NCOA2: variants seen among roughly 807,000 people sequenced by gnomAD.
NCOA2 encodes class E basic helix-loop-helix protein 75.
A neutral mutation model predicts 145.1 loss-of-function variants in NCOA2; 21 were observed. The observed-to-expected ratio is 0.14, with a 90% CI of 0.10 to 0.21. The LOEUF is 0.21. Ranked by LOEUF, NCOA2 falls within the 10% of genes least tolerant of loss-of-function variation. The pLI, the probability that NCOA2 is intolerant of heterozygous loss-of-function variation, is 1.00. For missense variants in NCOA2, 1,472 were observed against 1,837.6 expected (o/e 0.80, Z 3.64); for synonymous variants, 619 against 637.5 (o/e 0.97, Z 0.44).
the NCOA2 span, among the ~76,000 whole-genome samples, chr8:70,417,974 TG>T: frequency 2.0e-5 from 3 of 152,134 alleles, no homozygotes; most frequent in Non-Finnish European, 2.9e-5. Context: ...ATGGAGCCAT[TG>T]TTATGTTTGT....
intron 22 of NCOA2, among the ~76,000 whole-genome samples, chr8:70,120,029 C>T (rs922725781): frequency 2.6e-5 from 4 of 152,144 alleles, no homozygotes; most frequent in African/African-American, 9.7e-5. Context: ...GCCACCACAC[C>T]TGGCTAATTT....
chr8:70,145,986 T>A (rs1051499601), intron 12 of NCOA2, among the ~76,000 whole-genome samples: 11 of 152,264 alleles, frequency 7.2e-5, no homozygotes, highest in African/African-American at 2.7e-4. Flanking sequence ...AGTGTTTTTT[T>A]CACGTTATAA....
Position 70,216,643 on chromosome 8 carries a change from C to T in NCOA2, c.86+17G>A. On this transcript the variant is annotated intron_variant, in intron 3 of 22. Transcript: ENST00000452400. ...TTAACAGACAATACTGATTCCTTTT[C>T]TCAGCAAGAATCTAACCTGGGTCCA... 1 of 1,591,558 alleles carries T rather than the reference C, an allele frequency of 6.3e-7. No individual in the cohort carries two copies. The highest frequency in any genetic ancestry group is 8.6e-7 in the Non-Finnish European group (1 of 1,159,548).
At chr8:70,411,660 A>G in the NCOA2 span, among the ~76,000 whole-genome samples, 1 of 152,256 alleles carries the variant, frequency 6.6e-6, no homozygotes, top group Non-Finnish European at 1.5e-5. Context: ...GAAAATGAAC[A>G]AACTATAGCT....
At chr8:70,288,318 C>T (rs1826393872) in intron 2 of NCOA2, among the ~76,000 whole-genome samples, 1 of 151,990 alleles carries the variant, frequency 6.6e-6, no homozygotes, top group Non-Finnish European at 1.5e-5. Flanking sequence ...GTGGCTCATG[C>T]CTGTAATCTC....
chr8:70,424,962 C>A, the NCOA2 span, among the ~76,000 whole-genome samples: 1 of 152,166 alleles, frequency 6.6e-6, no homozygotes, highest in South Asian at 2.1e-4. Flanking sequence ...AATGTCCAGG[C>A]TGCTGAAGTG....
chr8:70,155,902 T>C (rs1812227569), intron 11 of NCOA2, 69 bp downstream of exon 11: 2 of 1,250,772 alleles, frequency 1.6e-6, no homozygotes, highest in South Asian at 3.2e-5. Context: ...GACTTCAAAA[T>C]GCCCCTATGG....
At position 70,109,906 on chromosome 8, in the gene NCOA2, T is replaced by C. The variant is rs1806396127; in HGVS notation, c.*3726A>G. On this transcript the variant is annotated 3_prime_UTR_variant, in exon 23 of 23. Transcript: ENST00000452400. ...GCAAAGCAATATTAACTTGCATAAA[T>C]GTATTTAAAATTTCTCTGAATATAT... The C allele has an allele frequency of 5.4e-6, 1 of 184,418 alleles. No homozygotes were observed. The highest frequency in any genetic ancestry group is 2.3e-5 in the African/African-American group (1 of 42,634). 11.4% of individuals were successfully genotyped at this position (184,418 alleles called of 1,614,324 possible).
chr8:70,126,359 A>G (rs1223443309), intron 19 of NCOA2, among the ~76,000 whole-genome samples: 1 of 152,212 alleles, frequency 6.6e-6, no homozygotes, highest in African/African-American at 2.4e-5. Flanking sequence ...TATAATCTGT[A>G]AAGTATTTTT....
At chr8:70,311,534 G>A (rs577658357) in intron 1 of NCOA2, among the ~76,000 whole-genome samples, 2 of 152,302 alleles carry the variant, frequency 1.3e-5, no homozygotes, top group South Asian at 4.1e-4. Context: ...TACTGCACAA[G>A]AACATCATCA....
intron 2 of NCOA2, among the ~76,000 whole-genome samples, chr8:70,234,291 T>G (rs1821405654): frequency 6.6e-6 from 1 of 152,252 alleles, no homozygotes; most frequent in Non-Finnish European, 1.5e-5. Flanking sequence ...TTCTACTTTT[T>G]GGCTATTATG....
Position 70,113,407 on chromosome 8 carries a change from TG to T in NCOA2, c.*224del. 1 of 593,826 alleles carries T rather than the reference TG, an allele frequency of 1.7e-6. No homozygotes were observed. Among genetic ancestry groups the T allele is most frequent in the Non-Finnish European group, 3.0e-6 (1 of 332,068 alleles). The allele number at this position is 593,826 out of a possible 1,614,324, so 36.8% of individuals were successfully genotyped here. On this transcript the variant is annotated 3_prime_UTR_variant, in exon 23 of 23. Transcript: ENST00000452400. ...ACTAAGGTGAATGCAGTGAACAGAC[TG>T]AGCGACTGTCTGGATGCGAGCTTCA...
chr8:70,351,675 T>A (rs1258778411), intron 1 of NCOA2, among the ~76,000 whole-genome samples: 2 of 148,330 alleles, frequency 1.3e-5, no homozygotes, highest in South Asian at 4.4e-4. Context: ...AAGCTCAAAC[T>A]CCTAGGCTCC....
chr8:70,158,292 A>C (rs2957094), intron 10 of NCOA2, among the ~76,000 whole-genome samples: 1 of 152,048 alleles, frequency 6.6e-6, no homozygotes, highest in Non-Finnish European at 1.5e-5. Context: ...GGACCTCATA[A>C]AGTTTTCCAC....
intron 2 of NCOA2, among the ~76,000 whole-genome samples, chr8:70,253,105 T>C (rs1823341311): frequency 6.6e-6 from 1 of 152,230 alleles, no homozygotes; most frequent in Non-Finnish European, 1.5e-5. Flanking sequence ...GTGAAGATTA[T>C]TTATCCTTGT....
At position 70,363,458 on chromosome 8, in the gene NCOA2, G is replaced by C. The variant is rs535932301; in HGVS notation, c.-77+40242C>G. On this transcript the variant is annotated intron_variant, in intron 1 of 22. Coordinates refer to ENST00000452400, the MANE Select transcript of NCOA2 (RefSeq NM_006540.4). ...CCCACTCCTAGATATTTACCTATGT[G>C]AAATAAAAATTTATGTTCCTAAATT... Among the ~76,000 whole-genome samples the C allele has an allele frequency of 3.7e-4, 56 of 151,622 alleles. 1 individual carries two copies. In the South Asian group the frequency reaches 6.2e-3, roughly 17 times the overall value.
chr8:70,157,028 C>T lies in NCOA2; in HGVS notation c.1337G>A (p.Gly446Glu), dbSNP rs1812373421. ...MPMGRFGGSG[G>E]MNHVSGMQAT... ...TTGCATGCCTGACACATGGTTCATTCCCCCAGAACCACCAAACCTGCCCAT... is the reference window on the plus strand; with the variant it reads ...TTGCATGCCTGACACATGGTTCATTTCCCCAGAACCACCAAACCTGCCCAT... Residue 446 changes from glycine to glutamate, a missense_variant, in exon 11 of 23, where the codon GGA becomes GAA. By Grantham distance (98) the Gly-to-Glu change is moderately conservative (BLOSUM62 -2). Coordinates refer to ENST00000452400, the MANE Select transcript of NCOA2 (RefSeq NM_006540.4). 6.2e-7 allele frequency: 1 copy of T among 1,613,978 alleles called. No homozygotes were observed. Among genetic ancestry groups the T allele is most frequent in the Non-Finnish European group, 8.5e-7 (1 of 1,179,880 alleles).
intron 11 of NCOA2, among the ~76,000 whole-genome samples, chr8:70,150,778 G>A (rs181006292): frequency 6.6e-6 from 1 of 152,322 alleles, no homozygotes; most frequent in East Asian, 1.9e-4. Flanking sequence ...CTAGAACTAA[G>A]TAATGGGCAC....
chr8:70,118,774 C>T (rs947574060), intron 22 of NCOA2, among the ~76,000 whole-genome samples: 2 of 151,294 alleles, frequency 1.3e-5, no homozygotes, highest in Non-Finnish European at 2.9e-5. Context: ...CTACAACTTC[C>T]GCCTCCCAGG....
Sources: allele counts gnomAD v4.1 joint callset (sites outside exome capture counted in the v4.1 genomes callset), GRCh38; gene constraint gnomAD v4.1.1; transcripts MANE v1.5; gene names NCBI Gene and HGNC (gene_info 2026-07-23, HGNC 2026-07-21).